Variants in RBFOX1 observed in about 807,000 individuals in gnomAD.
RBFOX1 encodes the protein RNA binding protein fox-1 homolog 1.
RBFOX1 carries 8 observed loss-of-function variants against 57.7 expected under a neutral mutation model. The observed-to-expected ratio is 0.14, with a 90% CI of 0.08 to 0.25. The LOEUF is 0.25. RBFOX1 is among the 10% of genes least tolerant of loss of function. RBFOX1 has a pLI of 1.00. For missense variants in RBFOX1, 611 were observed against 548.5 expected (o/e 1.11, Z -1.14); for synonymous variants, 326 against 222.4 (o/e 1.47, Z -4.15).
At chr16:6,212,237 G>GA (rs2097303183) in intron 1 of RBFOX1, among the ~76,000 whole-genome samples, 1 of 151,872 alleles carries the variant, frequency 6.6e-6, no homozygotes, top group Non-Finnish European at 1.5e-5. Context: ...GTTAATTGGT[G>GA]AAAAAAGTTG....
intron 3 of RBFOX1, among the ~76,000 whole-genome samples, chr16:6,948,004 C>T (rs1056090353): frequency 1.3e-5 from 2 of 152,132 alleles, no homozygotes; most frequent in African/African-American, 4.8e-5. Flanking sequence ...GTCTCAAACT[C>T]CTGACCTAAA....
At chr16:6,618,365 T>C (rs1241357576) in intron 2 of RBFOX1, among the ~76,000 whole-genome samples, 1 of 152,200 alleles carries the variant, frequency 6.6e-6, no homozygotes, top group Non-Finnish European at 1.5e-5. Flanking sequence ...AGCCATTCAG[T>C]ATGCCAAATA....
At chr16:7,321,685 CA>C (rs1453341513) in intron 4 of RBFOX1, among the ~76,000 whole-genome samples, 2 of 152,044 alleles carry the variant, frequency 1.3e-5, no homozygotes, top group African/African-American at 2.4e-5. Context: ...AGATGTTTGG[CA>C]AATAATAAAT....
At chr16:5,756,169 T>G (rs74006252) in intron 3 of RBFOX1, among the ~76,000 whole-genome samples, 2,814 of 148,222 alleles carry the variant, frequency 0.019, 85 homozygotes, top group African/African-American at 0.066. Flanking sequence ...GCCTTCCCCT[T>G]TAGTGGGTAT....
At chr16:6,345,997 A>G (rs1231690123) in intron 2 of RBFOX1, among the ~76,000 whole-genome samples, 4 of 152,210 alleles carry the variant, frequency 2.6e-5, no homozygotes, top group African/African-American at 9.6e-5. Context: ...TAGGTGGGAT[A>G]CAAAGTGGTT....
chr16:6,573,717 C>A (rs1309517786), intron 2 of RBFOX1: 1 of 152,238 alleles, frequency 6.6e-6, no homozygotes, highest in African/African-American at 2.4e-5. Flanking sequence ...GAAAGAGACA[C>A]TTGGTAGAGA....
intron 3 of RBFOX1, among the ~76,000 whole-genome samples, chr16:5,841,273 G>A (rs936218254): frequency 2.6e-5 from 4 of 152,196 alleles, no homozygotes; most frequent in African/African-American, 9.7e-5. Flanking sequence ...TTCAGTAGCT[G>A]AGGAGCAGCA....
At chr16:5,969,182 A>G (rs1205985129) in intron 4 of RBFOX1, among the ~76,000 whole-genome samples, 1 of 148,850 alleles carries the variant, frequency 6.7e-6, no homozygotes, top group South Asian at 2.1e-4. Context: ...CATTGATCTT[A>G]TTTTTGACAA....
At chr16:6,952,849 C>T (rs1385426199) in intron 3 of RBFOX1, among the ~76,000 whole-genome samples, 1 of 151,910 alleles carries the variant, frequency 6.6e-6, no homozygotes, top group East Asian at 1.9e-4. Context: ...GTGGTGCATG[C>T]CTGTAATCCC....
At chr16:7,367,342 G>C (rs757340575) in intron 4 of RBFOX1, among the ~76,000 whole-genome samples, 2 of 152,216 alleles carry the variant, frequency 1.3e-5, no homozygotes, top group Non-Finnish European at 2.9e-5. Flanking sequence ...GTCACAAGCA[G>C]AGCTGCACAG....
intron 4 of RBFOX1, chr16:7,304,507 G>A: frequency 1.0e-6 from 1 of 985,272 alleles, no homozygotes; most frequent in Non-Finnish European, 1.2e-6. Context: ...GTCTGCCCTC[G>A]GTGGCTGCTT....
At chr16:5,355,042 G>C (rs1452372759) in intron 1 of RBFOX1, among the ~76,000 whole-genome samples, 1 of 151,942 alleles carries the variant, frequency 6.6e-6, no homozygotes, top group Non-Finnish European at 1.5e-5. Context: ...ACAGAGAAGG[G>C]GACAGACAGA....
At chr16:5,780,280 G>A (rs2054284332) in intron 3 of RBFOX1, among the ~76,000 whole-genome samples, 1 of 152,188 alleles carries the variant, frequency 6.6e-6, no homozygotes, top group Non-Finnish European at 1.5e-5. Context: ...CGGATTACAG[G>A]CGTGTGCCAT....
chr16:6,848,808 AT>A (rs2093907863), intron 3 of RBFOX1, among the ~76,000 whole-genome samples: 1 of 152,218 alleles, frequency 6.6e-6, no homozygotes, highest in African/African-American at 2.4e-5. Flanking sequence ...TTTCACACTC[AT>A]GGAGGAGCAG....
chr16:5,285,747 T>C (rs563435217), intron 1 of RBFOX1, among the ~76,000 whole-genome samples: 2 of 152,306 alleles, frequency 1.3e-5, no homozygotes, highest in South Asian at 4.1e-4. Context: ...CTGTGAGTTA[T>C]TCAGTGGCTT....
At chr16:7,424,922 T>C (rs905871863) in intron 4 of RBFOX1, among the ~76,000 whole-genome samples, 1 of 152,196 alleles carries the variant, frequency 6.6e-6, no homozygotes, top group Non-Finnish European at 1.5e-5. Context: ...ATACAAATTA[T>C]ATTCCAAAGG....
chr16:5,758,246 TG>T (rs1376447629), intron 3 of RBFOX1, among the ~76,000 whole-genome samples: 1 of 152,146 alleles, frequency 6.6e-6, no homozygotes, highest in Admixed American at 6.5e-5. Context: ...ACTTTCTTCA[TG>T]GGGGGAAAAA....
chr16:7,320,491 G>T (rs2096527039), intron 4 of RBFOX1, among the ~76,000 whole-genome samples: 1 of 152,310 alleles, frequency 6.6e-6, no homozygotes, highest in Non-Finnish European at 1.5e-5. Context: ...ATGGGCATTT[G>T]TGTTGATTCC....
chr16:7,629,948 C>T (rs758443969), intron 10 of RBFOX1, among the ~76,000 whole-genome samples: 1 of 152,126 alleles, frequency 6.6e-6, no homozygotes, highest in African/African-American at 2.4e-5. Flanking sequence ...CAGGGTGGGT[C>T]CCAGGGATGG....
Sources: gnomAD v4.1 joint callset for allele counts (sites outside exome capture counted in the v4.1 genomes callset) on GRCh38, gnomAD v4.1.1 for gene constraint, MANE v1.5 for transcripts, NCBI Gene and HGNC (gene_info 2026-07-23, HGNC 2026-07-21) for gene names.